The following SEC14L1 variants were observed in gnomAD, a reference collection of about 807,000 sequenced individuals.
SEC14L1 encodes SEC14-like protein 1.
A neutral mutation model predicts 85.3 loss-of-function variants in SEC14L1; 48 were observed. The observed-to-expected ratio is 0.56, with a 90% CI of 0.45 to 0.72. The LOEUF is 0.72. SEC14L1 is among the 30% of genes least tolerant of loss of function. The probability of loss-of-function intolerance (pLI) is 0.00; values close to 1 mark genes in which losing one functional copy is unlikely to be tolerated. For missense variants in SEC14L1, 682 were observed against 921.4 expected (o/e 0.74, Z 3.36); for synonymous variants, 391 against 355.5 (o/e 1.10, Z -1.12).
At chr17:77,124,391 G>A (rs1171511598) in intron 3 of SEC14L1, among the ~76,000 whole-genome samples, 1 of 152,048 alleles carries the variant, frequency 6.6e-6, no homozygotes, top group African/African-American at 2.4e-5. Flanking sequence ...CGGAAACCAC[G>A]TCTTGTTTCT....
In SEC14L1 at chr17:77,206,488, C is replaced by T. The variant is rs1042963527; in HGVS notation, c.1341+88C>T. On this transcript the variant is annotated intron_variant, in intron 12 of 16. Coordinates refer to ENST00000436233, the MANE Select transcript of SEC14L1 (RefSeq NM_001143998.2). This position sits in a 1 kb window ranked among gnomAD's most constrained non-coding sequence, Gnocchi z 4.3. ...TATACACGTGTCTGTGACCTAAAGT[C>T]TTAACTTCTTAGGAAAAAAAACAAT... The T allele has an allele frequency of 1.4e-6, 2 of 1,428,808 alleles. No individual in the cohort carries two copies. The highest frequency in any genetic ancestry group is 2.3e-5 in the East Asian group (1 of 43,268). The allele number at this position is 1,428,808 out of a possible 1,614,324, so 88.5% of individuals were successfully genotyped here. A position where few individuals can be genotyped will look rare whatever the true frequency, so the allele number is the denominator to read the frequency against.
At chr17:77,091,685 C>T (rs1264669834) in intron 2 of SEC14L1, among the ~76,000 whole-genome samples, 1 of 152,166 alleles carries the variant, frequency 6.6e-6, no homozygotes, top group Non-Finnish European at 1.5e-5. Flanking sequence ...GGAGTCGTGG[C>T]ACACAGAACC....
intron 15 of SEC14L1, among the ~76,000 whole-genome samples, chr17:77,212,935 G>C (rs1253971443): frequency 6.6e-6 from 1 of 152,242 alleles, no homozygotes; most frequent in Non-Finnish European, 1.5e-5. Context: ...CGAACATGCT[G>C]GATGATTGGC....
chr17:77,179,670 T>C (rs1974922653), intron 3 of SEC14L1, among the ~76,000 whole-genome samples: 1 of 152,002 alleles, frequency 6.6e-6, no homozygotes, highest in African/African-American at 2.4e-5. Context: ...TATGTCAAAT[T>C]TTTACTTTTT....
intron 3 of SEC14L1, among the ~76,000 whole-genome samples, chr17:77,187,109 T>C (rs117963063): frequency 0.012 from 1,836 of 152,314 alleles, 22 homozygotes; most frequent in South Asian, 0.047. Context: ...TTCAGATCTG[T>C]GGATTTGAGA....
chr17:77,154,026 C>A (rs1321211504), intron 3 of SEC14L1, among the ~76,000 whole-genome samples: 1 of 152,174 alleles, frequency 6.6e-6, no homozygotes, highest in Non-Finnish European at 1.5e-5. Flanking sequence ...TCTGCACCCA[C>A]AGATACAACC....
At chr17:77,157,789 G>A (rs895186434) in intron 3 of SEC14L1, among the ~76,000 whole-genome samples, 7 of 152,114 alleles carry the variant, frequency 4.6e-5, no homozygotes, top group African/African-American at 7.2e-5. Context: ...GCCTCCCAAA[G>A]TATTGGGATT....
chr17:77,199,417 G>T, intron 8 of SEC14L1: 1 of 159,972 alleles, frequency 6.3e-6, no homozygotes, highest in South Asian at 1.5e-4. Flanking sequence ...CCAGCAGCCT[G>T]ACCTGTCGTC....
At chr17:77,111,219 G>A (rs1332835260) in intron 3 of SEC14L1, among the ~76,000 whole-genome samples, 1 of 151,358 alleles carries the variant, frequency 6.6e-6, no homozygotes. Context: ...ATACATGTGT[G>A]TGGTCCAGAA....
chr17:77,178,056 C>T (rs1307843868), intron 3 of SEC14L1, among the ~76,000 whole-genome samples: 3 of 101,040 alleles, frequency 3.0e-5, no homozygotes, highest in East Asian at 3.2e-4. Flanking sequence ...TTCTTCCCCT[C>T]CCCCCCCCCT....
At chr17:77,194,031 A>G (rs988124663) in intron 6 of SEC14L1, among the ~76,000 whole-genome samples, 1 of 152,166 alleles carries the variant, frequency 6.6e-6, no homozygotes, top group African/African-American at 2.4e-5. Context: ...TTGAAGGCTC[A>G]TTTTCAGGGT....
At chr17:77,184,766 T>A (rs1187497819) in intron 3 of SEC14L1, among the ~76,000 whole-genome samples, 1 of 152,224 alleles carries the variant, frequency 6.6e-6, no homozygotes, top group African/African-American at 2.4e-5. Flanking sequence ...ATGTCATTGC[T>A]TTTCACCCCT....
In SEC14L1 at chr17:77,161,258, A is replaced by C. The variant is rs146539051; in HGVS notation, c.63+17599A>C. 3.8e-3 allele frequency among the ~76,000 whole-genome samples: 573 copies of C among 152,382 alleles called. 5 individuals are homozygous for C. The highest frequency in any genetic ancestry group is 0.013 in the African/African-American group (552 of 41,594). ...TCCCAGTCCTTTGGGAGGCCAAGGCAGGCAGATAACTGGGGGTCAGGAGTT... is the reference window on the plus strand; with the variant it reads ...TCCCAGTCCTTTGGGAGGCCAAGGCCGGCAGATAACTGGGGGTCAGGAGTT... On this transcript the variant is annotated intron_variant, in intron 3 of 16. Transcript: ENST00000436233.
intron 3 of SEC14L1, among the ~76,000 whole-genome samples, chr17:77,162,811 C>G (rs927015661): frequency 7.4e-6 from 1 of 135,704 alleles, no homozygotes; most frequent in African/African-American, 2.8e-5. Flanking sequence ...GCCAGGGCAA[C>G]AAGAGCGAAA....
chr17:77,213,727 C>T lies in SEC14L1; in HGVS notation c.2043-191C>T, dbSNP rs534687190. On this transcript the variant is annotated intron_variant, in intron 16 of 16. Coordinates refer to ENST00000436233, the MANE Select transcript of SEC14L1 (RefSeq NM_001143998.2). The surrounding 1 kb of genome is among the most constrained non-coding windows in gnomAD (Gnocchi z 7.1). ...CTGCCTTTGCTTTAGCTCACACTGC[C>T]GTCTGCGTGCAGGCTGTGGGAAGCC... 272 of 865,858 alleles carry T rather than the reference C, an allele frequency of 3.1e-4. No homozygotes were observed. The African/African-American group carries it at 3.7e-3, about 12-fold the overall frequency. The allele number at this position is 865,858 out of a possible 1,614,324, so 53.6% of individuals were successfully genotyped here.
At chr17:77,187,690 C>A (rs574719436) in intron 3 of SEC14L1, among the ~76,000 whole-genome samples, 20 of 151,956 alleles carry the variant, frequency 1.3e-4, no homozygotes, top group African/African-American at 4.8e-4. Context: ...ATTCTTATTA[C>A]CCTATATCCT....
rs34643925 is a variant in SEC14L1, at chr17:77,132,291, G to A, written c.-135-10355G>A. Among the ~76,000 whole-genome samples the A allele has an allele frequency of 8.2e-3, 1,207 of 147,518 alleles. 6 individuals carry two copies. The highest frequency in any genetic ancestry group is 9.5e-3 in the Non-Finnish European group (642 of 67,450). On this transcript the variant is annotated intron_variant, in intron 3 of 19. Transcript: ENST00000392476. ...CACCCAGGCTAGAGTGCAGTGGCACGATCTCACTGCACCCTCCAACTCCTG... is the reference window on the plus strand; with the variant it reads ...CACCCAGGCTAGAGTGCAGTGGCACAATCTCACTGCACCCTCCAACTCCTG...
intron 8 of SEC14L1, among the ~76,000 whole-genome samples, chr17:77,200,104 T>C (rs1164920479): frequency 6.6e-6 from 1 of 152,184 alleles, no homozygotes; most frequent in East Asian, 1.9e-4. Context: ...AGTTGGGGGC[T>C]GCAGTGAGCT....
intron 3 of SEC14L1, among the ~76,000 whole-genome samples, chr17:77,101,108 T>C (rs7210923): frequency 0.29 from 43,934 of 152,028 alleles, 6,657 homozygotes; most frequent in African/African-American, 0.35. Flanking sequence ...AAGCAAGTTA[T>C]GAATTTATTA....
Sources: gnomAD v4.1 joint callset for allele counts (sites outside exome capture counted in the v4.1 genomes callset) on GRCh38, gnomAD v4.1.1 for gene constraint, Gnocchi (gnomAD v3.1) non-coding constraint, MANE v1.5 for transcripts, NCBI Gene and HGNC (gene_info 2026-07-23, HGNC 2026-07-21) for gene names.